Variants in PSMD1 observed in about 807,000 individuals in gnomAD.
PSMD1 encodes 26S proteasome non-ATPase regulatory subunit 1.
PSMD1 carries 18 observed loss-of-function variants against 119.0 expected under a neutral mutation model. The observed-to-expected ratio is 0.15, with a 90% CI of 0.10 to 0.22. PSMD1 has a LOEUF of 0.22. PSMD1 is among the 10% of genes least tolerant of loss of function. The probability of loss-of-function intolerance (pLI) is 1.00; values close to 1 mark genes in which losing one functional copy is unlikely to be tolerated. For synonymous variants in PSMD1, 374 were observed against 396.6 expected (o/e 0.94, Z 0.68); for missense variants, 702 against 1,158.5 (o/e 0.61, Z 5.72).
At chr2:231,123,882 T>C (rs1425479673) in intron 16 of PSMD1, 9 of 805,698 alleles carry the variant, frequency 1.1e-5, no homozygotes, top group Admixed American at 1.9e-5. Context: ...AAAGCCAAAG[T>C]TGACACCTTC....
At chr2:231,149,781 G>A (rs1696331372) in intron 18 of PSMD1, among the ~76,000 whole-genome samples, 1 of 152,178 alleles carries the variant, frequency 6.6e-6, no homozygotes. Context: ...GACTCTTACA[G>A]TGTTAGTGGT....
At chr2:231,075,323 A>G (rs1485067588) in intron 7 of PSMD1, among the ~76,000 whole-genome samples, 188 bp from the exon 8 acceptor site, 5 of 152,136 alleles carry the variant, frequency 3.3e-5, no homozygotes, top group African/African-American at 1.2e-4. Flanking sequence ...TGTTTTTATT[A>G]TTTGGAGGAA....
intron 9 of PSMD1, among the ~76,000 whole-genome samples, chr2:231,078,194 G>A (rs1276127403): frequency 6.6e-6 from 1 of 152,180 alleles, no homozygotes; most frequent in Non-Finnish European, 1.5e-5. Flanking sequence ...CTTGAACCCA[G>A]GAGGTGGAGG....
chr2:231,162,888 G>T (rs915734362), intron 20 of PSMD1, among the ~76,000 whole-genome samples: 27 of 151,074 alleles, frequency 1.8e-4, no homozygotes, highest in African/African-American at 6.6e-4. Flanking sequence ...ACGAGGTCAG[G>T]AGATTGAGAC....
rs780182411 is a variant in PSMD1, at chr2:231,146,376, C to T, written c.2115+20C>T. 6 of 1,560,724 alleles carry T rather than the reference C, an allele frequency of 3.8e-6. No individual in the cohort carries two copies. Among genetic ancestry groups the T allele is most frequent in the Non-Finnish European group, 5.3e-6 (6 of 1,133,140 alleles). On this transcript the variant is annotated intron_variant, in intron 18 of 24. Coordinates refer to ENST00000308696, the MANE Select transcript of PSMD1 (RefSeq NM_002807.4). ...CCAAAGGTGAGCAAACAAAGAAATT[C>T]CCTGGAAGAGAGATGGTTTGGTCTT...
Position 231,077,158 on chromosome 2 carries a change from C to A in PSMD1, c.1067C>A (p.Thr356Lys). 1 of 1,513,342 alleles carries A rather than the reference C, an allele frequency of 6.6e-7. No homozygotes were observed. The highest frequency in any genetic ancestry group is 8.9e-7 in the Non-Finnish European group (1 of 1,123,580). 93.7% of individuals were successfully genotyped at this position (1,513,342 alleles called of 1,614,324 possible). Residue 356 changes from threonine to lysine, a missense_variant, in exon 9 of 25, where the codon ACA (threonine) becomes AAA (lysine). By Grantham distance (78) the Thr-to-Lys change is moderately conservative. Coordinates refer to ENST00000308696, the MANE Select transcript of PSMD1 (RefSeq NM_002807.4). ...NNTDLMILKN[T>K]KDAVRNSVCH... ...ACAGACCTCATGATTCTAAAAAACA[C>A]AAAGGTAAGAAATTCATCAATAATA... is the stretch of plus-strand genomic sequence containing the variant.
chr2:231,125,734 A>C lies in PSMD1; in HGVS notation c.1884-13002A>C, dbSNP rs150528783. ...TCAGAAAATTGGTGTTTAAATCTTAATAGTTATGCTATTTAAGTTTTCTGT... is the reference window on the plus strand; with the variant it reads ...TCAGAAAATTGGTGTTTAAATCTTACTAGTTATGCTATTTAAGTTTTCTGT... On this transcript the variant is annotated intron_variant, in intron 16 of 24. Coordinates refer to ENST00000308696, the MANE Select transcript of PSMD1 (RefSeq NM_002807.4). Among the ~76,000 whole-genome samples the C allele has an allele frequency of 2.5e-4, 38 of 152,342 alleles. No individual in the cohort carries two copies. The East Asian group carries it at 7.3e-3, about 29-fold the overall frequency.
chr2:231,066,100 G>A (rs1292732143), intron 4 of PSMD1, among the ~76,000 whole-genome samples: 1 of 152,210 alleles, frequency 6.6e-6, no homozygotes, highest in Non-Finnish European at 1.5e-5. Context: ...ATAACATCTA[G>A]GTTTGTGTAA....
intron 22 of PSMD1, among the ~76,000 whole-genome samples, 163 bp downstream of exon 22, chr2:231,165,449 G>A (rs569330302): frequency 4.8e-5 from 7 of 145,572 alleles, no homozygotes; most frequent in East Asian, 1.9e-4. Flanking sequence ...AAAGAGACTC[G>A]AAAATATATC....
chr2:231,057,252 C>T (rs1039826435), intron 1 of PSMD1, among the ~76,000 whole-genome samples: 4 of 152,072 alleles, frequency 2.6e-5, no homozygotes, highest in Non-Finnish European at 4.4e-5. Flanking sequence ...CCGGGTCGAC[C>T]GCCTCGGCAT....
intron 15 of PSMD1, among the ~76,000 whole-genome samples, chr2:231,085,347 T>C (rs905116968): frequency 2.0e-5 from 3 of 152,244 alleles, no homozygotes; most frequent in Non-Finnish European, 4.4e-5. Flanking sequence ...CTTAAAGCCA[T>C]TCAGGTGCAA....
chr2:231,097,598 C>T (rs184695989), intron 16 of PSMD1, among the ~76,000 whole-genome samples: 3 of 152,120 alleles, frequency 2.0e-5, no homozygotes, highest in Admixed American at 6.5e-5. Context: ...GTTAATAAAT[C>T]GCTGCTGGTT....
At chr2:231,080,441 A>ATTT in intron 12 of PSMD1, 127 bp downstream of exon 12, 3 of 620,944 alleles carry the variant, frequency 4.8e-6, no homozygotes, top group Non-Finnish European at 7.2e-6. Flanking sequence ...GTCATCTTGG[A>ATTT]TTTTTTTTTT....
intron 16 of PSMD1, among the ~76,000 whole-genome samples, chr2:231,094,027 G>A (rs1396059717): frequency 6.6e-6 from 1 of 152,164 alleles, no homozygotes; most frequent in East Asian, 1.9e-4. Context: ...CTGAGAATTG[G>A]CATCAATGGA....
intron 2 of PSMD1, 104 bp downstream of exon 2, chr2:231,061,414 C>T: frequency 3.1e-6 from 3 of 969,994 alleles, no homozygotes; most frequent in Non-Finnish European, 4.6e-6. Context: ...GCTGTCCTAG[C>T]TGGCTTGTAC....
intron 16 of PSMD1, among the ~76,000 whole-genome samples, chr2:231,103,967 C>A (rs972288747): frequency 6.6e-6 from 1 of 151,990 alleles, no homozygotes; most frequent in Non-Finnish European, 1.5e-5. Context: ...AGAGTGGGTT[C>A]TTTGTGTGAA....
rs777995653 is a variant in PSMD1, at chr2:231,056,996, C to T, written c.-30C>T. ...TACACTGCGCAGCTGGAACGGCGAGCGAGCCGACGGGCGAGTGAGGGGCGC... is the reference window on the plus strand; with the variant it reads ...TACACTGCGCAGCTGGAACGGCGAGTGAGCCGACGGGCGAGTGAGGGGCGC... On this transcript the variant is annotated 5_prime_UTR_variant, in exon 1 of 25. Coordinates refer to ENST00000308696, the MANE Select transcript of PSMD1 (RefSeq NM_002807.4). 6 of 1,539,610 alleles carry T rather than the reference C, an allele frequency of 3.9e-6. No individual in the cohort carries two copies. Among genetic ancestry groups the T allele is most frequent in the East Asian group, 5.0e-5 (2 of 39,876 alleles).
rs1325476461 is a variant in PSMD1 at position 231,138,488 on chromosome 2, C to G, written c.1884-248C>G. Among the ~76,000 whole-genome samples the G allele has an allele frequency of 5.3e-5, 8 of 152,204 alleles. 1 individual carries two copies. The highest frequency in any genetic ancestry group is 5.2e-4 in the Admixed American group (8 of 15,280). ...ACCAGAGAATAACTGGAATCCAGAC[C>G]TATGGCTGAGGACTCACTTATACTG... On this transcript the variant is annotated intron_variant, in intron 16 of 24. Coordinates refer to ENST00000308696, the MANE Select transcript of PSMD1 (RefSeq NM_002807.4).
At chr2:231,107,406 A>G (rs1482005478) in intron 16 of PSMD1, among the ~76,000 whole-genome samples, 3 of 152,212 alleles carry the variant, frequency 2.0e-5, no homozygotes, top group African/African-American at 4.8e-5. Flanking sequence ...GGTATGAGTT[A>G]TCTTCACTGC....
Sources: allele counts gnomAD v4.1 joint callset (sites outside exome capture counted in the v4.1 genomes callset), GRCh38; gene constraint gnomAD v4.1.1; transcripts MANE v1.5; gene names NCBI Gene and HGNC (gene_info 2026-07-23, HGNC 2026-07-21).